The following COX5A variants were observed in gnomAD, a reference collection of about 807,000 sequenced individuals.
COX5A encodes cytochrome c oxidase subunit 5A, mitochondrial.
A neutral mutation model predicts 16.1 loss-of-function variants in COX5A; 6 were observed. The observed-to-expected ratio is 0.37, with a 90% CI of 0.20 to 0.73. COX5A has a LOEUF of 0.73. COX5A is among the 30% of genes least tolerant of loss of function. The pLI, the probability that COX5A is intolerant of heterozygous loss-of-function variation, is 0.50. For synonymous variants in COX5A, 73 were observed against 73.8 expected (o/e 0.99, Z 0.06); for missense variants, 159 against 194.9 (o/e 0.82, Z 1.10).
intron 1 of COX5A, among the ~76,000 whole-genome samples, chr15:74,935,599 CAA>C (rs1301595215): frequency 6.8e-6 from 1 of 146,182 alleles, no homozygotes. Flanking sequence ...AGACTATCAC[CAA>C]AAAAAAAAAA....
chr15:74,936,622 C>CTTTTTTTTT (rs1021836626), intron 1 of COX5A, among the ~76,000 whole-genome samples: 3 of 112,426 alleles, frequency 2.7e-5, no homozygotes, highest in Admixed American at 9.9e-5. Context: ...AAAACATATT[C>CTTTTTTTTT]TTTTTTTTTT....
intron 1 of COX5A, among the ~76,000 whole-genome samples, chr15:74,934,905 T>C (rs547266176): frequency 6.6e-6 from 1 of 152,316 alleles, no homozygotes; most frequent in African/African-American, 2.4e-5. Flanking sequence ...AGGACATTTT[T>C]AGGGCTTCAT....
chr15:74,930,423 A>T (rs1370009539), intron 1 of COX5A, among the ~76,000 whole-genome samples: 1 of 150,226 alleles, frequency 6.7e-6, no homozygotes, highest in South Asian at 2.1e-4. Context: ...CCTCAAAAAA[A>T]AAAAAAAAGA....
At position 74,929,172 on chromosome 15, in the gene COX5A, G is replaced by A. The variant is rs138526218; in HGVS notation, c.161C>T (p.Ala54Val). 8.1e-6 allele frequency: 13 copies of A among 1,613,978 alleles called. No individual in the cohort carries two copies. The highest frequency in any genetic ancestry group is 1.3e-5 in the African/African-American group (1 of 74,928). ...GSQETDEEFD[A>V]RWVTYFNKPD... ...CTTGTTGAAGTATGTTACCCAGCGA[G>A]CATCAAACTCCTCATCTGTCTCCTG... The change falls in exon 2 of 5, where the codon GCT becomes GTT. Residue 54 changes from alanine (A) to valine (V), a missense_variant. Ala to Val is a moderately conservative substitution (Grantham distance 64). Coordinates refer to ENST00000322347, the MANE Select transcript of COX5A (RefSeq NM_004255.4).
chr15:74,928,275 A>T (rs1351657227), intron 2 of COX5A, among the ~76,000 whole-genome samples: 1 of 152,228 alleles, frequency 6.6e-6, no homozygotes, highest in Non-Finnish European at 1.5e-5. Context: ...TTTAGGAAAG[A>T]CAAGTTCTAA....
Position 74,926,817 on chromosome 15 carries a change from G to A in COX5A, c.288C>T (p.Cys96=). The change falls in exon 3 of 5, where the codon TGC becomes TGT. Residue 96 remains cysteine (C), a synonymous_variant. Coordinates refer to ENST00000322347, the MANE Select transcript of COX5A (RefSeq NM_004255.4). ...TACTAGCAAAATCATTTAACCGTCT[G>A]CATGCCCGCAAAGCAGCATCAATGA... is the stretch of plus-strand genomic sequence containing the variant. The part of the protein sequence containing the change: ...PKIIDAALRA[C]RRLNDFASTV... 1 of 1,613,842 alleles carries A rather than the reference G, an allele frequency of 6.2e-7. No individual in the cohort carries two copies. The highest frequency in any genetic ancestry group is 8.5e-7 in the Non-Finnish European group (1 of 1,179,860).
At chr15:74,923,343 T>G (rs767692277) in intron 4 of COX5A, among the ~76,000 whole-genome samples, 1 of 150,674 alleles carries the variant, frequency 6.6e-6, no homozygotes, top group African/African-American at 2.4e-5. Context: ...GAATCCAGGA[T>G]GCGGAGGCTG....
At position 74,936,517 on chromosome 15, in the gene COX5A, G is replaced by A. The variant is rs533455353; in HGVS notation, c.100+1398C>T. Among the ~76,000 whole-genome samples the A allele has an allele frequency of 6.5e-4, 99 of 151,626 alleles. 1 individual carries two copies. Among genetic ancestry groups the A allele is most frequent in the African/African-American group, 2.3e-3 (94 of 41,308 alleles). On this transcript the variant is annotated intron_variant, in intron 1 of 4. Transcript: ENST00000322347. ...AGCCTGGGCAACATAGGGACACTCC[G>A]TCTCTAATTTAAAAATAAATAAATA...
intron 4 of COX5A, among the ~76,000 whole-genome samples, chr15:74,921,591 A>AT (rs1054130978): frequency 4.6e-5 from 7 of 151,754 alleles, no homozygotes; most frequent in African/African-American, 1.7e-4. Flanking sequence ...TGAACCGGGC[A>AT]TGGTGGTGGG....
intron 1 of COX5A, among the ~76,000 whole-genome samples, chr15:74,931,522 T>C (rs547939812): frequency 6.6e-6 from 1 of 152,048 alleles, no homozygotes; most frequent in East Asian, 1.9e-4. Flanking sequence ...GAAATGATGT[T>C]TACATAGAGT....
rs528492741 is a variant in COX5A, at chr15:74,927,221, G to C, written c.218-334C>G. Among the ~76,000 whole-genome samples the C allele has an allele frequency of 2.4e-4, 37 of 152,122 alleles. 1 individual carries two copies. The South Asian group carries it at 5.8e-3, about 24-fold the overall frequency. ...AGATGGAGTCTTGCTCTGTCACCCA[G>C]GCTGGAGTACAGTGGTGCCACCTCA... On this transcript the variant is annotated intron_variant, in intron 2 of 4. Coordinates refer to ENST00000322347, the MANE Select transcript of COX5A (RefSeq NM_004255.4).
chr15:74,937,893 C>G (rs560890045), intron 1 of COX5A, 22 bp downstream of exon 1: 4 of 1,217,960 alleles, frequency 3.3e-6, no homozygotes, highest in Admixed American at 8.5e-5. Flanking sequence ...AGGGCGCGGG[C>G]AGTGGCAAGC....
intron 3 of COX5A, among the ~76,000 whole-genome samples, chr15:74,926,032 ATTTTTTTT>A (rs755631696): frequency 3.7e-5 from 4 of 107,664 alleles, no homozygotes; most frequent in Admixed American, 1.0e-4. Context: ...TGCCCAGCTA[ATTTTTTTT>A]TTTTTTTTTT....
chr15:74,925,565 T>C (rs1309560912), intron 3 of COX5A, among the ~76,000 whole-genome samples: 5 of 151,438 alleles, frequency 3.3e-5, no homozygotes, highest in South Asian at 2.1e-4. Flanking sequence ...ATTTTTTATT[T>C]TCAGTAGAGA....
intron 1 of COX5A, among the ~76,000 whole-genome samples, chr15:74,931,949 G>A (rs753538456): frequency 3.3e-5 from 5 of 152,268 alleles, no homozygotes; most frequent in Non-Finnish European, 7.4e-5. Flanking sequence ...GGGGATAGGC[G>A]GAGGCAGAAA....
intron 4 of COX5A, among the ~76,000 whole-genome samples, chr15:74,922,269 C>T (rs990305534): frequency 6.6e-6 from 1 of 151,602 alleles, no homozygotes; most frequent in Non-Finnish European, 1.5e-5. Context: ...CCTGTAATCT[C>T]AGCTACTTAG....
At chr15:74,925,425 G>A (rs2065339102) in intron 3 of COX5A, among the ~76,000 whole-genome samples, 1 of 151,930 alleles carries the variant, frequency 6.6e-6, no homozygotes, top group Admixed American at 6.6e-5. Flanking sequence ...TCTCTCTCTT[G>A]TTGCCCAGGC....
Position 74,938,034 on chromosome 15 carries a change from G to C in COX5A, c.-20C>G, listed in dbSNP as rs1595864492. On this transcript the variant is annotated 5_prime_UTR_variant, in exon 1 of 5. Coordinates refer to ENST00000322347, the MANE Select transcript of COX5A (RefSeq NM_004255.4). Reference sequence around the variant, plus strand: ...CAGCATGACGGCGATGGCGGCGCGCGGGCTGAGGACAGAGAGAAGCCGGTG... The same window carrying C: ...CAGCATGACGGCGATGGCGGCGCGCCGGCTGAGGACAGAGAGAAGCCGGTG... 8 of 1,226,614 alleles carry C rather than the reference G, an allele frequency of 6.5e-6. No homozygotes were observed. The East Asian group carries it at 9.5e-5, about 15-fold the overall frequency. 76.0% of individuals were successfully genotyped at this position (1,226,614 alleles called of 1,614,324 possible).
At chr15:74,921,357 G>A (rs537963005) in intron 4 of COX5A, among the ~76,000 whole-genome samples, 1 of 138,386 alleles carries the variant, frequency 7.2e-6, no homozygotes, top group African/African-American at 2.6e-5. Context: ...GCAGTGAGCC[G>A]AGATCATGCC....
Sources: gnomAD v4.1 joint callset for allele counts (sites outside exome capture counted in the v4.1 genomes callset) on GRCh38, gnomAD v4.1.1 for gene constraint, MANE v1.5 for transcripts, NCBI Gene and HGNC (gene_info 2026-07-23, HGNC 2026-07-21) for gene names.